EYA4: variants seen among roughly 807,000 people sequenced by gnomAD.
The protein encoded by EYA4 is EYA transcriptional coactivator and phosphatase 4, also known as protein phosphatase EYA4.
In EYA4, 31 loss-of-function variants were observed where a neutral mutation model predicts 87.9. The ratio of observed to expected loss-of-function variants is 0.35; its 90% confidence interval spans 0.27 to 0.48. The LOEUF (loss-of-function observed/expected upper bound fraction) is 0.48. EYA4 is among the 20% of genes least tolerant of loss of function. The pLI, the probability that EYA4 is intolerant of heterozygous loss-of-function variation, is 0.99. For synonymous variants in EYA4, 263 were observed against 270.6 expected, an observed-to-expected ratio of 0.97 and a Z score of 0.28; for missense variants, 678 against 761.4, an observed-to-expected ratio of 0.89 and a Z score of 1.29.
rs558901627 is a variant in EYA4, at chr6:133,353,798, T to C, written c.34-28594T>C. The stretch of plus-strand genomic sequence containing the variant: ...GAGTATTGCTAAAATATTTTAGTGA[T>C]CTACTTATCTTGAGTAGTTTTAACT... On this transcript the variant is annotated intron_variant, in intron 2 of 19. Coordinates refer to ENST00000355286, the MANE Select transcript of EYA4 (RefSeq NM_004100.5). 9.8e-5 allele frequency among the ~76,000 whole-genome samples: 15 copies of C among 152,312 alleles called. No homozygotes were observed. In the East Asian group the frequency reaches 2.7e-3, roughly 27 times the overall value.
intron 3 of EYA4, among the ~76,000 whole-genome samples, chr6:133,398,518 TC>T (rs1394582980): frequency 2.0e-5 from 3 of 152,198 alleles, no homozygotes; most frequent in Admixed American, 6.5e-5. Flanking sequence ...CTATTTTTTT[TC>T]CTCATATTTT....
At chr6:133,340,868 CAT>C (rs1193875921) in intron 2 of EYA4, among the ~76,000 whole-genome samples, 1 of 152,148 alleles carries the variant, frequency 6.6e-6, no homozygotes, top group Non-Finnish European at 1.5e-5. Flanking sequence ...AGAAAGGAAT[CAT>C]ATCCAGGCTG....
At chr6:133,296,077 C>T (rs937435872) in intron 2 of EYA4, among the ~76,000 whole-genome samples, 1 of 152,100 alleles carries the variant, frequency 6.6e-6, no homozygotes, top group Non-Finnish European at 1.5e-5. Context: ...CATTTGAGCA[C>T]AGGCCTGAAG....
At chr6:133,477,214 G>A (rs988993593) in intron 11 of EYA4, among the ~76,000 whole-genome samples, 5 of 151,972 alleles carry the variant, frequency 3.3e-5, no homozygotes, top group Non-Finnish European at 7.4e-5. Context: ...CTAAATGGCT[G>A]TGCTAATTTA....
chr6:133,345,301 G>C (rs1057220985), intron 2 of EYA4, among the ~76,000 whole-genome samples: 11 of 151,982 alleles, frequency 7.2e-5, no homozygotes, highest in Non-Finnish European at 1.5e-4. Flanking sequence ...ATGAGATATT[G>C]AGTTTGTCAT....
intron 2 of EYA4, among the ~76,000 whole-genome samples, chr6:133,286,289 C>T (rs1778056395): frequency 6.6e-6 from 1 of 152,146 alleles, no homozygotes; most frequent in Admixed American, 6.5e-5. Context: ...ATTTTACTTT[C>T]TCTTAGGCAT....
intron 14 of EYA4, among the ~76,000 whole-genome samples, chr6:133,506,943 G>T (rs1046763504): frequency 5.3e-5 from 8 of 152,174 alleles, no homozygotes; most frequent in African/African-American, 1.9e-4. Context: ...GTTCTTGGCA[G>T]AAGTACTTCT....
intron 2 of EYA4, among the ~76,000 whole-genome samples, chr6:133,281,670 G>A (rs766936346): frequency 3.3e-5 from 5 of 152,038 alleles, no homozygotes; most frequent in Non-Finnish European, 7.4e-5. Flanking sequence ...TTTGTCATGG[G>A]TATATTGTGT....
intron 14 of EYA4, among the ~76,000 whole-genome samples, chr6:133,511,315 A>G (rs1018218331): frequency 2.0e-5 from 3 of 152,098 alleles, no homozygotes; most frequent in African/African-American, 7.2e-5. Flanking sequence ...TTCAAATTTA[A>G]TGATTTTTTT....
At chr6:133,329,599 G>C (rs1781764607) in intron 2 of EYA4, among the ~76,000 whole-genome samples, 1 of 152,024 alleles carries the variant, frequency 6.6e-6, no homozygotes, top group Non-Finnish European at 1.5e-5. Flanking sequence ...GATTATTTCT[G>C]TGAGAAATGT....
chr6:133,469,661 GGATCTC>G (rs1363402030), intron 11 of EYA4, among the ~76,000 whole-genome samples: 1 of 151,772 alleles, frequency 6.6e-6, no homozygotes, highest in Admixed American at 6.6e-5. Context: ...AAAGAGGAAA[GGATCTC>G]AACTTATATG....
intron 1 of EYA4, among the ~76,000 whole-genome samples, chr6:133,251,937 A>G (rs549587870): frequency 1.3e-5 from 2 of 152,356 alleles, no homozygotes; most frequent in African/African-American, 4.8e-5. Flanking sequence ...AATTCTCATT[A>G]GTCTGTGTTG....
chr6:133,253,690 T>G (rs910168154), intron 1 of EYA4, among the ~76,000 whole-genome samples: 5 of 152,120 alleles, frequency 3.3e-5, no homozygotes, highest in African/African-American at 1.2e-4. Flanking sequence ...CTTTCAAGGC[T>G]TAGCTCAAAT....
chr6:133,497,067 CCTGGCCCTTGG>C (rs1797705781), intron 13 of EYA4, among the ~76,000 whole-genome samples: 1 of 152,168 alleles, frequency 6.6e-6, no homozygotes, highest in Non-Finnish European at 1.5e-5. Flanking sequence ...TTACTGTGCG[CCTGGCCCTTGG>C]CTGAGTGTCC....
intron 3 of EYA4, among the ~76,000 whole-genome samples, chr6:133,395,261 A>G (rs1307692888): frequency 6.8e-6 from 1 of 147,842 alleles, no homozygotes; most frequent in African/African-American, 2.5e-5. Context: ...AATCCAGGTC[A>G]GGTACCTAGC....
chr6:133,371,463 C>T (rs553131345), intron 2 of EYA4, among the ~76,000 whole-genome samples: 64 of 152,078 alleles, frequency 4.2e-4, no homozygotes, highest in African/African-American at 9.9e-4. Context: ...GTTTTCTAAC[C>T]GAAAGTTCAC....
intron 13 of EYA4, among the ~76,000 whole-genome samples, chr6:133,489,693 A>T (rs560179459): frequency 1.3e-5 from 2 of 152,020 alleles, no homozygotes; most frequent in African/African-American, 4.8e-5. Flanking sequence ...AAGGAGAAAT[A>T]CTTTCCCAGA....
At chr6:133,374,392 C>T (rs2128468231) in intron 2 of EYA4, among the ~76,000 whole-genome samples, 2 of 152,120 alleles carry the variant, frequency 1.3e-5, no homozygotes, top group South Asian at 4.1e-4. Flanking sequence ...GGCCAGAAAT[C>T]AAGTGAGATC....
At chr6:133,377,448 CT>C (rs1785787597) in intron 2 of EYA4, among the ~76,000 whole-genome samples, 1 of 151,860 alleles carries the variant, frequency 6.6e-6, no homozygotes, top group South Asian at 2.1e-4. Flanking sequence ...TAGTTCATCT[CT>C]GTGGCTGGAA....
Sources: allele counts gnomAD v4.1 joint callset (sites outside exome capture counted in the v4.1 genomes callset), GRCh38; gene constraint gnomAD v4.1.1; transcripts MANE v1.5; gene names NCBI Gene and HGNC (gene_info 2026-07-23, HGNC 2026-07-21).